RP1: variants seen among roughly 807,000 people sequenced by gnomAD.
RP1 encodes RP1 axonemal microtubule associated, also known as oxygen-regulated protein 1.
In RP1, 16 loss-of-function variants were observed where a neutral mutation model predicts 14.8. That is an observed-to-expected ratio of 1.08 (90% CI 0.73 to 1.65). The LOEUF (loss-of-function observed/expected upper bound fraction) is 1.65. Among genes scored for constraint, RP1 ranks in the 40% most tolerant of loss-of-function variants. The pLI is 0.00. For missense variants in RP1, 2,631 were observed against 2,535.0 expected (o/e 1.04, Z -0.81); for synonymous variants, 876 against 883.6 (o/e 0.99, Z 0.15).
At chr8:54,679,909 A>T (rs1401562667) in exon 12 of RP1, 1 of 1,535,888 alleles carries the variant, frequency 6.5e-7, no homozygotes, top group African/African-American at 1.4e-5. Flanking sequence ...AGTTGACGCC[A>T]TTGGAGAGAA....
At chr8:54,718,582 A>G (rs760909534) in intron 15 of RP1, among the ~76,000 whole-genome samples, 1 of 152,184 alleles carries the variant, frequency 6.6e-6, no homozygotes, top group Non-Finnish European at 1.5e-5. Context: ...TTTTTTCATA[A>G]TCACCCCAAA....
chr8:54,810,052 A>T (rs1810952741), intron 24 of RP1, among the ~76,000 whole-genome samples: 1 of 152,332 alleles, frequency 6.6e-6, no homozygotes, highest in African/African-American at 2.4e-5. Context: ...CACATATATG[A>T]GAAGCCTTTC....
At chr8:54,678,115 G>A (rs1252915727) in intron 8 of RP1, among the ~76,000 whole-genome samples, 1 of 152,032 alleles carries the variant, frequency 6.6e-6, no homozygotes, top group Non-Finnish European at 1.5e-5. Context: ...GTAACTCATC[G>A]AGTATATATT....
intron 25 of RP1, among the ~76,000 whole-genome samples, chr8:54,850,239 G>GA (rs1189788135): frequency 6.6e-6 from 1 of 152,192 alleles, no homozygotes; most frequent in African/African-American, 2.4e-5. Context: ...TCTGTAGCCT[G>GA]AATGACAGGT....
intron 1 of RP1, among the ~76,000 whole-genome samples, chr8:54,609,749 TACCAGCATC>T (rs1805547554): frequency 6.6e-6 from 1 of 152,146 alleles, no homozygotes; most frequent in African/African-American, 2.4e-5. Flanking sequence ...AGGTCACCTC[TACCAGCATC>T]ACTGCCTGTC....
chr8:54,678,919 GCTTA>G (rs960125926), intron 9 of RP1, among the ~76,000 whole-genome samples: 5 of 151,976 alleles, frequency 3.3e-5, no homozygotes, highest in African/African-American at 1.2e-4. Flanking sequence ...AGATGATAGT[GCTTA>G]CTTACTATCA....
At position 54,607,936 on chromosome 8, in the gene RP1, G is replaced by A. The variant is rs533297958; in HGVS notation, c.-12-13019G>A. ...GGAGTGACCTGGTTTTCCAGGTGCT[G>A]TCTGTCACCTCTTTCTTTGACTAGG... On this transcript the variant is annotated intron_variant, in intron 1 of 22. Coordinates refer to the RP1 transcript ENST00000636932. Among the ~76,000 whole-genome samples, 101 of 152,244 alleles carry A rather than the reference G, an allele frequency of 6.6e-4. 1 individual carries two copies. In the South Asian group the frequency reaches 0.013, roughly 20 times the overall value.
At position 54,809,940 on chromosome 8, in the gene RP1, G is replaced by T. The variant is rs139818509; in HGVS notation, c.3615+26230G>T. Among the ~76,000 whole-genome samples the T allele has an allele frequency of 5.4e-4, 82 of 152,246 alleles. 1 individual carries two copies. The East Asian group carries it at 0.011, about 20-fold the overall frequency. ...ACCATTTTAATAAGTCAGTATTGCC[G>T]AGAGTCCAGGTAAAAGCTCATCTGA... is the stretch of plus-strand genomic sequence containing the variant. On this transcript the variant is annotated intron_variant, in intron 24 of 28. Transcript: ENST00000637698.
exon 24 of RP1, chr8:54,783,707 C>CTTG (rs1810247215): frequency 1.6e-6 from 2 of 1,229,994 alleles, no homozygotes; most frequent in African/African-American, 3.1e-5. Flanking sequence ...CAGATATATT[C>CTTG]AAGGTAAAAA....
intron 16 of RP1, among the ~76,000 whole-genome samples, chr8:54,721,994 G>A (rs1281893805): frequency 6.6e-6 from 1 of 152,062 alleles, no homozygotes; most frequent in East Asian, 1.9e-4. Flanking sequence ...TATAATCCCA[G>A]CACTTTGGGA....
At chr8:54,579,384 G>T (rs147853812) in intron 1 of RP1, among the ~76,000 whole-genome samples, 2 of 152,302 alleles carry the variant, frequency 1.3e-5, no homozygotes, top group African/African-American at 4.8e-5. Context: ...AATTCTGAAG[G>T]CTGAAGAGCT....
chr8:54,637,290 G>A (rs1459309020), intron 3 of RP1, among the ~76,000 whole-genome samples: 1 of 152,162 alleles, frequency 6.6e-6, no homozygotes, highest in Non-Finnish European at 1.5e-5. Flanking sequence ...GTTAGGAAAG[G>A]GGTCCACAGT....
At position 54,630,787 on chromosome 8, in the gene RP1, G is replaced by T. The variant is rs983370708; in HGVS notation, c.*434G>T. ...ACTTATTCTTTTTAACTACTGATTT[G>T]ATAAAAAGTATGATTATAAGATATC... On this transcript the variant is annotated 3_prime_UTR_variant, in exon 4 of 4. Coordinates refer to ENST00000220676, the MANE Select transcript of RP1 (RefSeq NM_006269.2). 6 of 1,003,650 alleles carry T rather than the reference G, an allele frequency of 6.0e-6. No individual in the cohort carries two copies. In the African/African-American group the frequency reaches 1.0e-4, roughly 17 times the overall value. 62.2% of individuals were successfully genotyped at this position (1,003,650 alleles called of 1,614,324 possible).
chr8:54,679,461 A>G, exon 10 of RP1: 3 of 1,535,980 alleles, frequency 2.0e-6, no homozygotes, highest in Non-Finnish European at 1.7e-6. Flanking sequence ...ATTGTCAGAG[A>G]ACTGTATGCC....
At chr8:54,586,876 TTCCAGGTGCC>T (rs1308414681) in intron 1 of RP1, among the ~76,000 whole-genome samples, 1 of 152,194 alleles carries the variant, frequency 6.6e-6, no homozygotes, top group East Asian at 1.9e-4. Flanking sequence ...TGATCCAATT[TTCCAGGTGCC>T]GTCTGTCACC....
chr8:54,613,185 C>A (rs1220025361), upstream of RP1, among the ~76,000 whole-genome samples: 1 of 152,078 alleles, frequency 6.6e-6, no homozygotes, highest in African/African-American at 2.4e-5. Flanking sequence ...AAGGTAGAGG[C>A]CATTTAGGTT....
intron 3 of RP1, among the ~76,000 whole-genome samples, chr8:54,636,545 C>T: frequency 6.6e-6 from 1 of 152,188 alleles, no homozygotes; most frequent in East Asian, 1.9e-4. Context: ...CAAGACCAGC[C>T]TGGCCAACAT....
chr8:54,830,765 T>C (rs1026133081), intron 24 of RP1, among the ~76,000 whole-genome samples: 1 of 152,164 alleles, frequency 6.6e-6, no homozygotes, highest in Non-Finnish European at 1.5e-5. Flanking sequence ...TTAGTACATT[T>C]AGTGGTTCAT....
chr8:54,852,082 A>G (rs1040417920), intron 25 of RP1, among the ~76,000 whole-genome samples: 1 of 152,124 alleles, frequency 6.6e-6, no homozygotes, highest in Non-Finnish European at 1.5e-5. Flanking sequence ...TTGAAAAAAT[A>G]TATATTTAAA....
Sources: allele counts gnomAD v4.1 joint callset (sites outside exome capture counted in the v4.1 genomes callset), GRCh38; gene constraint gnomAD v4.1.1; transcripts MANE v1.5; gene names NCBI Gene and HGNC (gene_info 2026-07-23, HGNC 2026-07-21).